Variants in LPIN3 observed in about 807,000 individuals in gnomAD.
LPIN3 encodes phosphatidate phosphatase LPIN3.
In LPIN3, 82 loss-of-function variants were observed where a neutral mutation model predicts 94.7. That is an observed-to-expected ratio of 0.87 (90% CI 0.72 to 1.04). LPIN3 has a LOEUF of 1.04. Among genes scored for constraint, LPIN3 ranks in the 50% least tolerant of loss-of-function variants. The pLI, the probability that LPIN3 is intolerant of heterozygous loss-of-function variation, is 0.00. For synonymous variants in LPIN3, 418 were observed against 443.3 expected (o/e 0.94, Z 0.72); for missense variants, 996 against 1,090.5 (o/e 0.91, Z 1.22).
At position 41,358,520 on chromosome 20, in the gene LPIN3, C is replaced by G. The variant is rs1171675280; in HGVS notation, c.2389C>G (p.Leu797Val). 6.2e-7 allele frequency: 1 copy of G among 1,614,076 alleles called. No individual in the cohort carries two copies. The highest frequency in any genetic ancestry group is 1.1e-5 in the South Asian group (1 of 91,082). Residue 797 changes from leucine to valine, a missense_variant, in exon 19 of 20, where the codon CTC becomes GTC. Physicochemically the swap from Leu to Val is conservative, Grantham distance 32 (BLOSUM62 1). Transcript: ENST00000373257. The part of the protein sequence containing the change: ...VNPRGELIQE[L>V]IKNHKSTYER... ...CCCCCGGGGAGAGCTCATCCAGGAG[C>G]TCATAAAGAACCACAAATCCACGTG...
intron 1 of LPIN3, among the ~76,000 whole-genome samples, chr20:41,343,264 G>A (rs1453435120): frequency 1.3e-5 from 2 of 151,994 alleles, no homozygotes; most frequent in Admixed American, 6.6e-5. Context: ...CCCCAACCCC[G>A]GCTCTGCCCC....
At chr20:41,345,113 C>G (rs1568989177) in intron 1 of LPIN3, among the ~76,000 whole-genome samples, 3 of 152,242 alleles carry the variant, frequency 2.0e-5, no homozygotes, top group Non-Finnish European at 2.9e-5. Context: ...GATAGCAAGA[C>G]AGCTGAGCCC....
Position 41,354,665 on chromosome 20 carries a change from G to C in LPIN3, c.1548G>C (p.Glu516Asp). 2 of 1,595,110 alleles carry C rather than the reference G, an allele frequency of 1.3e-6. No homozygotes were observed. Among genetic ancestry groups the C allele is most frequent in the Non-Finnish European group, 1.7e-6 (2 of 1,169,280 alleles). ...CACAGAGCACCATGGACAAGCTGGA[G>C]AGGGAGAAGATGCCCCGGAAGGGTG... Reference protein sequence around the residue: ...NLPKSTMDKLEREKMPRKGGR... With the variant: ...NLPKSTMDKLDREKMPRKGGR... Residue 516 changes from glutamate to aspartate, a missense_variant, in exon 12 of 20, where the codon GAG (glutamate) becomes GAC (aspartate). By Grantham distance (45) the Glu-to-Asp change is conservative. Coordinates refer to ENST00000373257, the MANE Select transcript of LPIN3 (RefSeq NM_022896.3).
intron 14 of LPIN3, among the ~76,000 whole-genome samples, chr20:41,356,408 T>A (rs1334674154): frequency 1.3e-5 from 2 of 152,144 alleles, no homozygotes; most frequent in African/African-American, 4.8e-5. Context: ...TTCTCTAAGC[T>A]CAGTAACTGG....
chr20:41,350,050 TAAA>T lies in LPIN3; in HGVS notation c.760-4_760-2del. The T allele has an allele frequency of 6.3e-7, 1 of 1,588,622 alleles. No homozygotes were observed. The highest frequency in any genetic ancestry group is 8.6e-7 in the Non-Finnish European group (1 of 1,164,670). On this transcript the variant is annotated splice_acceptor_variant and splice_polypyrimidine_tract_variant and intron_variant, in intron 6 of 19. Coordinates refer to ENST00000373257, the MANE Select transcript of LPIN3 (RefSeq NM_022896.3). LOFTEE classifies it high-confidence loss of function. ...CCACATCTTCCTCCATTTGTTCCAC[TAAA>T]GGTGGCCAGAGCTGAGCGGCCCGAG...
At chr20:41,352,308 G>A (rs1021436374) in intron 9 of LPIN3, 88 bp downstream of exon 9, 2 of 1,472,798 alleles carry the variant, frequency 1.4e-6, no homozygotes, top group Non-Finnish European at 1.9e-6. Flanking sequence ...GGGTGGGGCA[G>A]TAGAGGTGAG....
intron 19 of LPIN3, 48 bp downstream of exon 19, chr20:41,358,590 G>A: frequency 1.9e-6 from 3 of 1,607,484 alleles, no homozygotes; most frequent in East Asian, 2.2e-5. Flanking sequence ...ACGTCCCCCT[G>A]CCCTGGCTTC....
At position 41,345,882 on chromosome 20, in the gene LPIN3, C is replaced by A; in HGVS notation, c.79C>A (p.Leu27Met). The change falls in exon 2 of 20, where the codon CTG becomes ATG. Residue 27 changes from leucine (L) to methionine (M), a missense_variant. By Grantham distance (15) the Leu-to-Met change is conservative. Coordinates refer to ENST00000373257, the MANE Select transcript of LPIN3 (RefSeq NM_022896.3). ...ELYRGLNPAT[L>M]SGGIDVLVVK... is the part of the protein sequence containing the mutation. The stretch of plus-strand genomic sequence containing the variant: ...GTACCGGGGCCTGAACCCAGCCACA[C>A]TGAGCGGCGGCATTGACGTGCTGGT... 1 of 1,614,232 alleles carries A rather than the reference C, an allele frequency of 6.2e-7. No homozygotes were observed. The highest frequency in any genetic ancestry group is 1.1e-5 in the South Asian group (1 of 91,082).
intron 3 of LPIN3, 93 bp from the exon 4 acceptor site, chr20:41,348,526 G>T (rs1408868826): frequency 2.9e-5 from 44 of 1,507,452 alleles, no homozygotes; most frequent in Middle Eastern, 2.0e-4. Flanking sequence ...CTCACTCCAG[G>T]GCTGGGACCC....
rs145669913 is a variant in LPIN3, at chr20:41,358,468, G to A, written c.2337G>A (p.Leu779=). The part of the protein sequence containing the change: ...NDVFAYRQVG[L]PESRIFTVNP... The stretch of plus-strand genomic sequence containing the variant: ...TCTTTGCCTACCGGCAGGTGGGCCT[G>A]CCTGAGTCACGCATCTTCACAGTCA... Residue 779 remains leucine (L), a synonymous_variant, in exon 19 of 20, where the codon CTG becomes CTA. Transcript: ENST00000373257. 74 of 1,613,944 alleles carry A rather than the reference G, an allele frequency of 4.6e-5. No individual in the cohort carries two copies. Among genetic ancestry groups the A allele is most frequent in the African/African-American group, 6.7e-5 (5 of 74,928 alleles).
At position 41,349,933 on chromosome 20, in the gene LPIN3, G is replaced by A. The variant is rs1016623302; in HGVS notation, c.759+39G>A. 6.9e-6 allele frequency: 11 copies of A among 1,585,718 alleles called. No individual in the cohort carries two copies. The African/African-American group carries it at 1.4e-4, about 20-fold the overall frequency. On this transcript the variant is annotated intron_variant, in intron 6 of 19. Transcript: ENST00000373257. ...TATCAACCCCAGGCCCGGCCTTTCAGGGGCTCTGTGGCCCCCATGGGTCAG... is the reference window on the plus strand; with the variant it reads ...TATCAACCCCAGGCCCGGCCTTTCAAGGGCTCTGTGGCCCCCATGGGTCAG...
In LPIN3 at chr20:41,354,685, A is replaced by G. The variant is rs1487509333; in HGVS notation, c.1568A>G (p.Lys523Arg). 6.2e-7 allele frequency: 1 copy of G among 1,604,322 alleles called. No homozygotes were observed. The highest frequency in any genetic ancestry group is 8.5e-7 in the Non-Finnish European group (1 of 1,174,384). Residue 523 changes from lysine to arginine, a missense_variant, in exon 12 of 20, where the codon AAG (lysine) becomes AGG (arginine). Lys to Arg is a conservative substitution (Grantham distance 26). Transcript: ENST00000373257. ...DKLEREKMPR[K>R]GGRWWFSWRR... ...CTGGAGAGGGAGAAGATGCCCCGGA[A>G]GGGTGGGCGATGGTGGTTTTCCTGG...
At chr20:41,358,068 C>T (rs1600744965) in intron 17 of LPIN3, 34 bp downstream of exon 17, 3 of 1,572,972 alleles carry the variant, frequency 1.9e-6, no homozygotes. Flanking sequence ...CCCGTGGCCC[C>T]CTGGTGGGGA....
Position 41,348,820 on chromosome 20 carries a change from G to T in LPIN3, c.490G>T (p.Glu164Ter). The T allele has an allele frequency of 6.2e-7, 1 of 1,611,328 alleles. No homozygotes were observed. The highest frequency in any genetic ancestry group is 1.3e-5 in the African/African-American group (1 of 74,982). Reference sequence around the variant, plus strand: ...TGCAGTGGCAACTGATTCTAGTCCAGAGGAACTGGAGGCAGGCGCTGAGAG... The same window carrying T: ...TGCAGTGGCAACTGATTCTAGTCCATAGGAACTGGAGGCAGGCGCTGAGAG... ...EDAVATDSSP[E>*]ELEAGAESEL... Residue 164 changes from glutamate (E) to a stop codon, truncating the protein, a stop_gained, in exon 4 of 20, where the codon GAG becomes TAG. Coordinates refer to ENST00000373257, the MANE Select transcript of LPIN3 (RefSeq NM_022896.3). LOFTEE classifies it high-confidence loss of function.
chr20:41,341,746 C>T (rs2045587512), intron 1 of LPIN3, among the ~76,000 whole-genome samples: 1 of 152,216 alleles, frequency 6.6e-6, no homozygotes, highest in Non-Finnish European at 1.5e-5. Context: ...ACTTTGGAGA[C>T]TGAGGCGGGT....
chr20:41,348,473 C>A, intron 3 of LPIN3, 146 bp from the exon 4 acceptor site: 1 of 1,293,686 alleles, frequency 7.7e-7, no homozygotes, highest in Non-Finnish European at 1.0e-6. Flanking sequence ...GGCTACAGGG[C>A]CAGGCTGGTG....
chr20:41,352,967 C>A, intron 11 of LPIN3, 100 bp downstream of exon 11: 1 of 1,364,216 alleles, frequency 7.3e-7, no homozygotes, highest in Non-Finnish European at 1.0e-6. Flanking sequence ...AGAGATGGGC[C>A]TGGGAGCCAG....
At position 41,357,982 on chromosome 20, in the gene LPIN3, C is replaced by T. The variant is rs915761749; in HGVS notation, c.2140C>T (p.Pro714Ser). ...GGTGAGCGAGGGGGGCTGTAGCCTC[C>T]CCAAGGGCCCCATCCTTCTGTCTCC... ...QWVSEGGCSL[P>S]KGPILLSPSS... Residue 714 changes from proline (P) to serine (S), a missense_variant, in exon 17 of 20, where the codon CCC becomes TCC. By Grantham distance (74) the Pro-to-Ser change is moderately conservative. Transcript: ENST00000373257. 9.3e-6 allele frequency: 15 copies of T among 1,612,388 alleles called. No homozygotes were observed. The highest frequency in any genetic ancestry group is 1.2e-5 in the Non-Finnish European group (14 of 1,179,360).
intron 19 of LPIN3, 68 bp from the exon 20 acceptor site, chr20:41,358,654 C>T: frequency 6.2e-7 from 1 of 1,606,158 alleles, no homozygotes; most frequent in Non-Finnish European, 8.5e-7. Flanking sequence ...TACTCTGGGA[C>T]AGACCCATGG....
Sources: allele counts gnomAD v4.1 joint callset (sites outside exome capture counted in the v4.1 genomes callset), GRCh38; gene constraint gnomAD v4.1.1; transcripts MANE v1.5; gene names NCBI Gene and HGNC (gene_info 2026-07-23, HGNC 2026-07-21).